RASGEF1A: variants seen among roughly 807,000 people sequenced by gnomAD.
RASGEF1A encodes RasGEF domain family member 1A.
Under a neutral mutation model 56.4 loss-of-function variants are expected in RASGEF1A, and 18 were observed. That is an observed-to-expected ratio of 0.32 (90% CI 0.22 to 0.47). RASGEF1A has a LOEUF of 0.47. Among genes scored for constraint, RASGEF1A ranks in the 20% least tolerant of loss-of-function variants. The pLI is 1.00. For synonymous variants in RASGEF1A, 245 were observed against 242.6 expected (o/e 1.01, Z -0.09); for missense variants, 422 against 627.1 (o/e 0.67, Z 3.49).
chr10:43,262,887 G>A (rs544051736), intron 1 of RASGEF1A, among the ~76,000 whole-genome samples: 56 of 152,344 alleles, frequency 3.7e-4, no homozygotes, highest in African/African-American at 1.3e-3. Context: ...GGGAGAGGCA[G>A]AAGGGGCAGA....
chr10:43,266,238 G>A (rs1289956327), intron 1 of RASGEF1A, among the ~76,000 whole-genome samples: 4 of 152,164 alleles, frequency 2.6e-5, no homozygotes, highest in Non-Finnish European at 5.9e-5. Flanking sequence ...CGTTCCTGGG[G>A]CCGGCAAGGC....
At chr10:43,201,367 C>T (rs1839895655) in intron 4 of RASGEF1A, among the ~76,000 whole-genome samples, 1 of 152,106 alleles carries the variant, frequency 6.6e-6, no homozygotes, top group African/African-American at 2.4e-5. Flanking sequence ...CTGTGGAGGC[C>T]CAGTTGGCCC....
At chr10:43,264,547 A>C (rs1368583842) in intron 1 of RASGEF1A, among the ~76,000 whole-genome samples, 1 of 151,474 alleles carries the variant, frequency 6.6e-6, no homozygotes, top group Non-Finnish European at 1.5e-5. Flanking sequence ...GCCGGGAGGC[A>C]GGCTGGAGTG....
At chr10:43,257,594 G>A (rs780594899) in intron 1 of RASGEF1A, among the ~76,000 whole-genome samples, 6 of 152,142 alleles carry the variant, frequency 3.9e-5, no homozygotes, top group African/African-American at 7.2e-5. Context: ...AGTGCCCTGC[G>A]CTTCCCCCGG....
At chr10:43,245,403 A>G (rs1008894831) in intron 1 of RASGEF1A, among the ~76,000 whole-genome samples, 2 of 152,214 alleles carry the variant, frequency 1.3e-5, no homozygotes, top group Non-Finnish European at 2.9e-5. Context: ...AATAGAATAC[A>G]AAGCACTAAC....
intron 2 of RASGEF1A, 41 bp downstream of exon 2, chr10:43,205,878 T>TC: frequency 6.6e-7 from 1 of 1,512,312 alleles, no homozygotes; most frequent in Non-Finnish European, 9.2e-7. Flanking sequence ...GGAGCCCAGG[T>TC]CACCCCATTA....
chr10:43,238,193 T>A (rs1046668324), intron 1 of RASGEF1A, among the ~76,000 whole-genome samples: 2 of 151,494 alleles, frequency 1.3e-5, no homozygotes, highest in African/African-American at 2.4e-5. Context: ...CCATGTCGAC[T>A]TAAAGGGGTC....
chr10:43,232,636 G>A (rs1175386906), intron 1 of RASGEF1A, among the ~76,000 whole-genome samples: 3 of 151,936 alleles, frequency 2.0e-5, no homozygotes, highest in South Asian at 4.2e-4. Context: ...ACAGGTGCAC[G>A]CCACCATGCC....
At chr10:43,253,014 C>T (rs956225000) in intron 1 of RASGEF1A, among the ~76,000 whole-genome samples, 1 of 152,216 alleles carries the variant, frequency 6.6e-6, no homozygotes, top group African/African-American at 2.4e-5. Context: ...CAAAGGAGCC[C>T]ATCGTGGGCA....
rs947575563 is a variant in RASGEF1A, at chr10:43,196,344, C to T, written c.1422-76G>A. On this transcript the variant is annotated intron_variant, in intron 12 of 12. Transcript: ENST00000395810. This position sits in a 1 kb window ranked among gnomAD's most constrained non-coding sequence, Gnocchi z 4.6. The stretch of plus-strand genomic sequence containing the variant: ...GTCCAAGCCATCCTCAGCCTCCCAC[C>T]AAACATGCACCAGGGACCCTGGACC... 9.5e-6 allele frequency: 15 copies of T among 1,583,164 alleles called. No individual in the cohort carries two copies. Among genetic ancestry groups the T allele is most frequent in the Middle Eastern group, 1.7e-4 (1 of 5,982 alleles).
chr10:43,221,209 C>T (rs922272247), intron 1 of RASGEF1A, among the ~76,000 whole-genome samples: 14 of 152,176 alleles, frequency 9.2e-5, no homozygotes, highest in African/African-American at 3.1e-4. Context: ...CTGTGGTTCG[C>T]TCCCGCCTCT....
At chr10:43,247,590 C>G (rs1189301009) in intron 1 of RASGEF1A, among the ~76,000 whole-genome samples, 3 of 152,132 alleles carry the variant, frequency 2.0e-5, no homozygotes, top group African/African-American at 2.4e-5. Flanking sequence ...TACCAACATG[C>G]TACAACACTG....
At chr10:43,235,782 G>T (rs915527343) in intron 1 of RASGEF1A, among the ~76,000 whole-genome samples, 1 of 152,174 alleles carries the variant, frequency 6.6e-6, no homozygotes, top group East Asian at 1.9e-4. Context: ...GGGACACAAG[G>T]CATGGGATGG....
chr10:43,213,260 C>T (rs1166512502), intron 1 of RASGEF1A, among the ~76,000 whole-genome samples: 2 of 152,202 alleles, frequency 1.3e-5, no homozygotes, highest in Non-Finnish European at 2.9e-5. Flanking sequence ...ATTACAAATG[C>T]TCAAGATGAT....
chr10:43,254,088 C>G (rs117385121), intron 1 of RASGEF1A, among the ~76,000 whole-genome samples: 2 of 152,222 alleles, frequency 1.3e-5, no homozygotes, highest in Non-Finnish European at 2.9e-5. Context: ...AGGCCCAGTG[C>G]TCGGTGGATG....
chr10:43,260,010 T>G (rs1023083268), intron 1 of RASGEF1A, among the ~76,000 whole-genome samples: 1 of 152,172 alleles, frequency 6.6e-6, no homozygotes, highest in Non-Finnish European at 1.5e-5. Flanking sequence ...GGGAGCGACC[T>G]GGCCTCAACC....
At chr10:43,200,601 T>G in intron 5 of RASGEF1A, 66 bp downstream of exon 5, 1 of 1,412,964 alleles carries the variant, frequency 7.1e-7, no homozygotes, top group East Asian at 2.3e-5. Context: ...CCTGAAGTGC[T>G]GTGCTGAAAG....
chr10:43,260,350 G>A (rs1836504348), intron 1 of RASGEF1A, among the ~76,000 whole-genome samples: 1 of 152,204 alleles, frequency 6.6e-6, no homozygotes, highest in Admixed American at 6.5e-5. Flanking sequence ...CACTGGTGCT[G>A]TCCTGGAGAT....
rs764945216 is a variant in RASGEF1A, at chr10:43,197,946, C to T, written c.1224+58G>A. On this transcript the variant is annotated intron_variant, in intron 10 of 12. Coordinates refer to ENST00000395810, the MANE Select transcript of RASGEF1A (RefSeq NM_145313.4). ...ATCCCGACCCAGGGCTAATGCCTGG[C>T]GGCTCCAGTAGCTCAGACAGTTTCC... is the stretch of plus-strand genomic sequence containing the variant. The T allele has an allele frequency of 4.0e-5, 59 of 1,457,152 alleles. No homozygotes were observed. In the Admixed American group the frequency reaches 5.7e-4, roughly 14 times the overall value. The allele number at this position is 1,457,152 out of a possible 1,614,324, so 90.3% of individuals were successfully genotyped here.
Sources: allele counts gnomAD v4.1 joint callset (sites outside exome capture counted in the v4.1 genomes callset), GRCh38; gene constraint gnomAD v4.1.1; non-coding constraint Gnocchi (gnomAD v3.1); transcripts MANE v1.5; gene names NCBI Gene and HGNC (gene_info 2026-07-23, HGNC 2026-07-21).